Variants in ERMAP observed in about 807,000 individuals in gnomAD.
ERMAP encodes the protein erythroid membrane-associated protein.
A neutral mutation model predicts 49.5 loss-of-function variants in ERMAP; 34 were observed. That is an observed-to-expected ratio of 0.69 (90% CI 0.52 to 0.91). ERMAP has a LOEUF of 0.91. Among genes scored for constraint, ERMAP ranks in the 40% least tolerant of loss-of-function variants. ERMAP has a pLI of 0.00. For missense variants in ERMAP, 541 were observed against 582.6 expected (o/e 0.93, Z 0.74); for synonymous variants, 214 against 232.2 (o/e 0.92, Z 0.71).
chr1:42,842,443 T>C, intron 11 of ERMAP, 74 bp from the exon 12 acceptor site: 1 of 1,366,000 alleles, frequency 7.3e-7, no homozygotes, highest in East Asian at 2.4e-5. Context: ...TAAGATTCTT[T>C]TTCCCTCCAA....
rs1570541439 is a variant in ERMAP, at chr1:42,835,315, C to T, written c.550+161C>T. On this transcript the variant is annotated intron_variant, in intron 5 of 11. Coordinates refer to ENST00000372517, the MANE Select transcript of ERMAP (RefSeq NM_001017922.2). ...CTGGTAGAGCCATGCCCTGGGGACA[C>T]ACATTGCAAAGGGAGTTCAATAAAC... 1.1e-5 allele frequency: 7 copies of T among 619,896 alleles called. No individual in the cohort carries two copies. The East Asian group carries it at 1.4e-4, about 12-fold the overall frequency. 38.4% of individuals were successfully genotyped at this position (619,896 alleles called of 1,614,324 possible).
At chr1:42,818,117 C>A (rs1347346306) in intron 1 of ERMAP, among the ~76,000 whole-genome samples, 1 of 152,212 alleles carries the variant, frequency 6.6e-6, no homozygotes, top group East Asian at 1.9e-4. Context: ...CTATTTGTTC[C>A]TCTATCAAAC....
chr1:42,834,341 G>T lies in ERMAP; in HGVS notation c.434-697G>T, dbSNP rs143341771. Among the ~76,000 whole-genome samples, 6 of 152,332 alleles carry T rather than the reference G, an allele frequency of 3.9e-5. No individual in the cohort carries two copies. The East Asian group carries it at 1.2e-3, about 29-fold the overall frequency. ...TGCCTGCTCTTCTAGAGCAGAGTGA[G>T]GATTGACAGGGGTAAACAGGCAGGT... On this transcript the variant is annotated intron_variant, in intron 4 of 11. Transcript: ENST00000372517.
At chr1:42,824,414 T>G (rs1479272758) in intron 1 of ERMAP, 5 of 152,090 alleles carry the variant, frequency 3.3e-5, no homozygotes, top group Non-Finnish European at 7.3e-5. Flanking sequence ...ACAACCCACA[T>G]TTCTATCATT....
chr1:42,817,602 T>C (rs1654282905), intron 1 of ERMAP: 1 of 154,074 alleles, frequency 6.5e-6, no homozygotes, highest in South Asian at 1.9e-4. Context: ...ATTCCGAGGC[T>C]CAATTTCTTA....
chr1:42,818,691 GA>G (rs1329096357), intron 1 of ERMAP, among the ~76,000 whole-genome samples: 1 of 152,064 alleles, frequency 6.6e-6, no homozygotes, highest in Admixed American at 6.6e-5. Flanking sequence ...GGGTGATCTG[GA>G]AATCCTGGGC....
At chr1:42,828,820 T>C (rs1441785705) in intron 2 of ERMAP, among the ~76,000 whole-genome samples, 1 of 152,182 alleles carries the variant, frequency 6.6e-6, no homozygotes, top group African/African-American at 2.4e-5. Context: ...TCTTAACCAC[T>C]TCATAGATTG....
chr1:42,831,412 C>A (rs1654726228), intron 4 of ERMAP, among the ~76,000 whole-genome samples: 1 of 152,094 alleles, frequency 6.6e-6, no homozygotes, highest in African/African-American at 2.4e-5. Flanking sequence ...GGTCATCTTT[C>A]TATGCTCCAT....
At position 42,843,253 on chromosome 1, in the gene ERMAP, TCCCATCA is replaced by T. The variant is rs1332444057; in HGVS notation, c.*24_*30del. On this transcript the variant is annotated 3_prime_UTR_variant, in exon 12 of 12. Transcript: ENST00000372517. ...TTTAGGGATATGCCACATTACCTGC[TCCCATCA>T]CCATCCAGCCCAGCACCCTGGACTT... 3.3e-6 allele frequency: 5 copies of T among 1,526,424 alleles called. No homozygotes were observed. The Admixed American group carries it at 1.0e-4, about 32-fold the overall frequency. 94.6% of individuals were successfully genotyped at this position (1,526,424 alleles called of 1,614,324 possible).
At chr1:42,842,427 C>A in intron 11 of ERMAP, 90 bp from the exon 12 acceptor site, 1 of 1,164,646 alleles carries the variant, frequency 8.6e-7, no homozygotes, top group Non-Finnish European at 1.2e-6. Context: ...ACAGTGATGG[C>A]AGACCTAAGA....
intron 1 of ERMAP, chr1:42,824,825 ACTT>A (rs1472994026): frequency 2.0e-5 from 3 of 152,048 alleles, no homozygotes; most frequent in Non-Finnish European, 4.4e-5. Flanking sequence ...GCTTTGGTGA[ACTT>A]CTGGGCTGCA....
At chr1:42,828,549 G>A (rs373916958) in intron 2 of ERMAP, among the ~76,000 whole-genome samples, 46 of 151,012 alleles carry the variant, frequency 3.0e-4, no homozygotes, top group African/African-American at 9.7e-4. Context: ...AGGTTGGAGT[G>A]CAGTGGTGCA....
chr1:42,842,083 A>G (rs1655072041), intron 11 of ERMAP: 1 of 169,794 alleles, frequency 5.9e-6, no homozygotes, highest in African/African-American at 2.4e-5. Context: ...GACCTGCTTT[A>G]TCATAACCTG....
intron 1 of ERMAP, among the ~76,000 whole-genome samples, chr1:42,821,841 T>C (rs1249088896): frequency 2.0e-5 from 3 of 151,596 alleles, no homozygotes; most frequent in East Asian, 3.9e-4. Flanking sequence ...TAAGACCCCA[T>C]CTCTACAAAA....
chr1:42,830,651 A>G (rs1654695208), intron 3 of ERMAP, 117 bp from the exon 4 acceptor site: 5 of 1,445,488 alleles, frequency 3.5e-6, no homozygotes, highest in Non-Finnish European at 4.7e-6. Context: ...GGCCCTGGCA[A>G]TCCTTTCCAG....
Position 42,842,788 on chromosome 1 carries a change from C to G in ERMAP, c.984C>G (p.His328Gln), listed in dbSNP as rs776860278. 1 of 1,614,194 alleles carries G rather than the reference C, an allele frequency of 6.2e-7. No homozygotes were observed. Among genetic ancestry groups the G allele is most frequent in the Non-Finnish European group, 8.5e-7 (1 of 1,180,028 alleles). The stretch of plus-strand genomic sequence containing the variant: ...TTACTGCCTCACCTGCCAATGGACA[C>G]TGGCTTCTGCGACAGAGTCGTGGGA... ...GKVTASPANG[H>Q]WLLRQSRGNE... Residue 328 changes from histidine to glutamine, a missense_variant, in exon 12 of 12, where the codon CAC (histidine) becomes CAG (glutamine). By Grantham distance (24) the His-to-Gln change is conservative. Transcript: ENST00000372517.
chr1:42,833,310 C>T (rs1348263580), intron 4 of ERMAP, among the ~76,000 whole-genome samples: 1 of 152,068 alleles, frequency 6.6e-6, no homozygotes, highest in South Asian at 2.1e-4. Flanking sequence ...GAAAAATGGC[C>T]TATAATAGCT....
At chr1:42,833,902 C>T (rs560473389) in intron 4 of ERMAP, among the ~76,000 whole-genome samples, 2 of 152,206 alleles carry the variant, frequency 1.3e-5, no homozygotes, top group African/African-American at 4.8e-5. Context: ...CCAGCCTGGC[C>T]AACATGGCAA....
rs748805060 is a variant in ERMAP at position 42,842,715 on chromosome 1, A to G, written c.911A>G (p.Lys304Arg). ...GAGGTGTATGTGGGAGACAAGACCA[A>G]ATGGATTCTTGGAGTATGTAGTGAG... ...YWEVYVGDKT[K>R]WILGVCSESV... Residue 304 changes from lysine to arginine, a missense_variant, in exon 12 of 12, where the codon AAA becomes AGA. Transcript: ENST00000372517. 45 of 1,614,056 alleles carry G rather than the reference A, an allele frequency of 2.8e-5. No homozygotes were observed. The highest frequency in any genetic ancestry group is 2.7e-4 in the East Asian group (12 of 44,892).
Sources: gnomAD v4.1 joint callset for allele counts (sites outside exome capture counted in the v4.1 genomes callset) on GRCh38, gnomAD v4.1.1 for gene constraint, MANE v1.5 for transcripts, NCBI Gene and HGNC (gene_info 2026-07-23, HGNC 2026-07-21) for gene names.